MGMT: variants seen among roughly 807,000 people sequenced by gnomAD.
MGMT encodes the protein methylated-DNA--protein-cysteine methyltransferase.
Under a neutral mutation model 15.9 loss-of-function variants are expected in MGMT, and 14 were observed. The observed-to-expected ratio is 0.88, with a 90% CI of 0.58 to 1.37. The LOEUF (loss-of-function observed/expected upper bound fraction) is 1.37, where lower values mean the gene tolerates loss of function less well. Ranked by LOEUF, MGMT falls within the 40% of genes most tolerant of loss-of-function variation. The probability of loss-of-function intolerance (pLI) is 0.00; values close to 1 mark genes in which losing one functional copy is unlikely to be tolerated. For missense variants in MGMT, 282 were observed against 268.1 expected (o/e 1.05, Z -0.36); for synonymous variants, 130 against 118.2 (o/e 1.10, Z -0.65).
intron 2 of MGMT, among the ~76,000 whole-genome samples, chr10:129,684,891 G>A (rs924550990): frequency 2.6e-5 from 4 of 152,210 alleles, no homozygotes; most frequent in Non-Finnish European, 4.4e-5. Flanking sequence ...AGAGACATCC[G>A]GGAGATCCAA....
chr10:129,494,192 C>T (rs926049627), intron 1 of MGMT, among the ~76,000 whole-genome samples: 2 of 152,168 alleles, frequency 1.3e-5, no homozygotes. Flanking sequence ...TCTTAGCCAG[C>T]CTCTTAGTTT....
At chr10:129,651,183 G>A (rs1389581912) in intron 2 of MGMT, among the ~76,000 whole-genome samples, 2 of 152,194 alleles carry the variant, frequency 1.3e-5, no homozygotes, top group Non-Finnish European at 2.9e-5. Context: ...TGTGTCCAGT[G>A]GGCCCCGACC....
intron 3 of MGMT, among the ~76,000 whole-genome samples, chr10:129,735,537 G>A (rs2133166347): frequency 1.3e-5 from 2 of 151,796 alleles, no homozygotes; most frequent in Middle Eastern, 6.8e-3. Context: ...ATTTTTTGAA[G>A]GGTTTTTTGT....
At chr10:129,500,898 A>C (rs1327503773) in intron 1 of MGMT, among the ~76,000 whole-genome samples, 1 of 152,214 alleles carries the variant, frequency 6.6e-6, no homozygotes, top group Non-Finnish European at 1.5e-5. Flanking sequence ...TTGCCTAAAC[A>C]GTTCAGTGTC....
At position 129,556,587 on chromosome 10, in the gene MGMT, TA is replaced by T. The variant is rs1322104496; in HGVS notation, c.125+20211del. Among the ~76,000 whole-genome samples the T allele has an allele frequency of 1.3e-5, 2 of 152,140 alleles. No individual in the cohort carries two copies. The highest frequency in any genetic ancestry group is 2.9e-5 in the Non-Finnish European group (2 of 68,022). On this transcript the variant is annotated intron_variant, in intron 2 of 4. Transcript: ENST00000651593. The surrounding 1 kb of genome is among the most constrained non-coding windows in gnomAD (Gnocchi z 4.3). ...TTGGTGATGCTGTGCAGTTCAGCTTTACCGTCTTGCTGCAGCGGGAACGTCC... is the reference window on the plus strand; with the variant it reads ...TTGGTGATGCTGTGCAGTTCAGCTTTCCGTCTTGCTGCAGCGGGAACGTCC...
At chr10:129,526,652 C>G (rs954340150) in intron 1 of MGMT, among the ~76,000 whole-genome samples, 1 of 152,162 alleles carries the variant, frequency 6.6e-6, no homozygotes, top group Non-Finnish European at 1.5e-5. Context: ...CGTCACCACA[C>G]CCGGCTAGTC....
chr10:129,480,693 TA>T (rs543827196), intron 1 of MGMT, among the ~76,000 whole-genome samples: 57 of 152,236 alleles, frequency 3.7e-4, no homozygotes, highest in African/African-American at 1.3e-3. Flanking sequence ...GCCTGGGCAA[TA>T]TAGCAAGATC....
intron 3 of MGMT, among the ~76,000 whole-genome samples, chr10:129,751,008 G>A (rs1848745405): frequency 6.6e-6 from 1 of 152,042 alleles, no homozygotes; most frequent in African/African-American, 2.4e-5. Context: ...ATACTGAACT[G>A]TACTCTTTTG....
intron 2 of MGMT, among the ~76,000 whole-genome samples, chr10:129,643,052 G>C (rs1382954691): frequency 6.6e-6 from 1 of 152,232 alleles, no homozygotes; most frequent in African/African-American, 2.4e-5. Flanking sequence ...TCCATTGTTA[G>C]TGATGACTTA....
intron 2 of MGMT, 133 bp downstream of exon 2, chr10:129,536,510 C>G (rs531060528): frequency 3.4e-6 from 4 of 1,163,500 alleles, no homozygotes; most frequent in African/African-American, 1.6e-5. Context: ...ACCACGAGTC[C>G]GTCTCTCAAA....
intron 3 of MGMT, among the ~76,000 whole-genome samples, chr10:129,722,881 C>G (rs866736407): frequency 6.6e-6 from 1 of 151,966 alleles, no homozygotes; most frequent in African/African-American, 2.4e-5. Flanking sequence ...TGGTGCACAC[C>G]TGTAATCCCA....
At chr10:129,762,761 C>T (rs915111553) in intron 4 of MGMT, among the ~76,000 whole-genome samples, 1 of 152,162 alleles carries the variant, frequency 6.6e-6, no homozygotes, top group African/African-American at 2.4e-5. Flanking sequence ...AATGACCCCC[C>T]GAGGCTTGTT....
At position 129,708,015 on chromosome 10, in the gene MGMT, G is replaced by A. The variant is rs767768661; in HGVS notation, c.246G>A (p.Pro82=). 10 of 1,613,354 alleles carry A rather than the reference G, an allele frequency of 6.2e-6. No individual in the cohort carries two copies. The highest frequency in any genetic ancestry group is 5.5e-5 in the South Asian group (5 of 91,062). The change falls in exon 3 of 5, where the codon CCG becomes CCA. Residue 82 remains proline, a synonymous_variant. Transcript: ENST00000651593. ...AGGCTATCGAAGAGTTCCCCGTGCC[G>A]GCTCTTCACCATCCCGTTTTCCAGC... ...QPEAIEEFPV[P]ALHHPVFQQE...
chr10:129,736,597 T>C (rs1848565112), intron 3 of MGMT, among the ~76,000 whole-genome samples: 1 of 151,952 alleles, frequency 6.6e-6, no homozygotes, highest in Non-Finnish European at 1.5e-5. Context: ...AATTTGATCC[T>C]GTCATTATGA....
intron 2 of MGMT, among the ~76,000 whole-genome samples, chr10:129,683,591 A>G (rs1401965977): frequency 6.6e-6 from 1 of 152,186 alleles, no homozygotes; most frequent in African/African-American, 2.4e-5. Context: ...TCTTATTGAC[A>G]GTAATATATT....
chr10:129,614,832 G>A (rs1368689753), intron 2 of MGMT, among the ~76,000 whole-genome samples: 1 of 136,266 alleles, frequency 7.3e-6, no homozygotes, highest in Non-Finnish European at 1.7e-5. Flanking sequence ...ACTTCAGTAT[G>A]TTGTTCATTT....
At chr10:129,675,055 A>T (rs1847768559) in intron 2 of MGMT, among the ~76,000 whole-genome samples, 1 of 152,130 alleles carries the variant, frequency 6.6e-6, no homozygotes. Flanking sequence ...TGGAACAAGT[A>T]AGAGCTCACG....
intron 1 of MGMT, among the ~76,000 whole-genome samples, chr10:129,510,180 C>T (rs972507773): frequency 2.0e-5 from 3 of 151,846 alleles, no homozygotes; most frequent in Non-Finnish European, 4.4e-5. Context: ...TCATGGGATG[C>T]GCCACAGAGA....
At chr10:129,718,392 G>A (rs1169294050) in intron 3 of MGMT, among the ~76,000 whole-genome samples, 1 of 152,168 alleles carries the variant, frequency 6.6e-6, no homozygotes, top group African/African-American at 2.4e-5. Context: ...TGGCACTGCT[G>A]AGTGCGGGCA....
Sources: allele counts gnomAD v4.1 joint callset (sites outside exome capture counted in the v4.1 genomes callset), GRCh38; gene constraint gnomAD v4.1.1; non-coding constraint Gnocchi (gnomAD v3.1); transcripts MANE v1.5; gene names NCBI Gene and HGNC (gene_info 2026-07-23, HGNC 2026-07-21).